The following DLG2 variants were observed in gnomAD, a reference collection of about 807,000 sequenced individuals.
DLG2 encodes the protein disks large homolog 2.
In DLG2, 45 loss-of-function variants were observed where a neutral mutation model predicts 132.5. The observed-to-expected ratio is 0.34, with a 90% CI of 0.27 to 0.44. The LOEUF (loss-of-function observed/expected upper bound fraction) is 0.44, where lower values mean the gene tolerates loss of function less well. Among genes scored for constraint, DLG2 ranks in the 20% least tolerant of loss-of-function variants. DLG2 has a pLI of 1.00. For missense variants in DLG2, 1,045 were observed against 1,196.9 expected (o/e 0.87, Z 1.87); for synonymous variants, 424 against 419.6 (o/e 1.01, Z -0.13).
chr11:85,258,271 T>C (rs899162644), intron 4 of DLG2, among the ~76,000 whole-genome samples: 3 of 152,220 alleles, frequency 2.0e-5, no homozygotes, highest in Non-Finnish European at 2.9e-5. Context: ...CTATTTCTTA[T>C]CCCTCTAAAA....
intron 6 of DLG2, among the ~76,000 whole-genome samples, chr11:84,709,435 C>G (rs58566021): frequency 0.022 from 3,416 of 152,022 alleles, 129 homozygotes; most frequent in African/African-American, 0.076. Context: ...TTAATGATTA[C>G]TACATGTGAG....
At chr11:84,818,582 T>TA (rs1258238506) in intron 6 of DLG2, among the ~76,000 whole-genome samples, 1 of 151,904 alleles carries the variant, frequency 6.6e-6, no homozygotes, top group African/African-American at 2.4e-5. Context: ...GAAGGTCTCT[T>TA]ACTTGCATGA....
chr11:85,483,847 G>C (rs909528106), intron 3 of DLG2, among the ~76,000 whole-genome samples: 2 of 150,624 alleles, frequency 1.3e-5, no homozygotes, highest in African/African-American at 4.9e-5. Context: ...AGGAGGCTGA[G>C]GCAGGAGAAT....
chr11:85,189,074 T>G lies in DLG2; in HGVS notation c.187-34423A>C, dbSNP rs1182558287. Among the ~76,000 whole-genome samples the G allele has an allele frequency of 3.9e-5, 6 of 152,158 alleles. No individual in the cohort carries two copies. The East Asian group carries it at 1.2e-3, about 29-fold the overall frequency. Reference sequence around the variant, plus strand: ...AACTGTTGAAAGAAAAAGAGAAAATTTTTAAGGCAGCAAGATAAAAAATAT... The same window carrying G: ...AACTGTTGAAAGAAAAAGAGAAAATGTTTAAGGCAGCAAGATAAAAAATAT... On this transcript the variant is annotated intron_variant, in intron 4 of 27. Coordinates refer to ENST00000376104, the MANE Select transcript of DLG2 (RefSeq NM_001142699.3).
chr11:84,679,262 C>T (rs1047840878), intron 6 of DLG2, among the ~76,000 whole-genome samples: 8 of 151,938 alleles, frequency 5.3e-5, no homozygotes, highest in Admixed American at 3.9e-4. Flanking sequence ...TGATTGATGT[C>T]TGCAAAGAAA....
At chr11:84,596,379 CTTTT>C (rs1211350827) in intron 6 of DLG2, among the ~76,000 whole-genome samples, 2 of 121,738 alleles carry the variant, frequency 1.6e-5, no homozygotes, top group Non-Finnish European at 1.8e-5. Context: ...AGATAATTTT[CTTTT>C]TTTTTTTTTT....
intron 6 of DLG2, among the ~76,000 whole-genome samples, chr11:85,001,297 T>C (rs2058187385): frequency 6.6e-6 from 1 of 152,116 alleles, no homozygotes; most frequent in African/African-American, 2.4e-5. Context: ...AGGGTCTCAC[T>C]ATGTTGCCCA....
At chr11:84,151,524 T>C (rs891433209) in intron 9 of DLG2, among the ~76,000 whole-genome samples, 5 of 152,184 alleles carry the variant, frequency 3.3e-5, no homozygotes, top group African/African-American at 1.2e-4. Flanking sequence ...ATCTTTTGTA[T>C]ATATTTTTGC....
At chr11:83,479,667 A>G (rs2137137718) in intron 22 of DLG2, among the ~76,000 whole-genome samples, 1 of 152,222 alleles carries the variant, frequency 6.6e-6, no homozygotes, top group Admixed American at 6.6e-5. Flanking sequence ...TTCATACACT[A>G]AGCAAATGGC....
chr11:85,425,176 G>T (rs2090618153), intron 3 of DLG2, among the ~76,000 whole-genome samples: 1 of 152,128 alleles, frequency 6.6e-6, no homozygotes, highest in South Asian at 2.1e-4. Flanking sequence ...ATTTTCTAAG[G>T]TTTAAAGCAG....
At chr11:84,695,555 A>G (rs2058527229) in intron 6 of DLG2, among the ~76,000 whole-genome samples, 1 of 151,674 alleles carries the variant, frequency 6.6e-6, no homozygotes, top group Non-Finnish European at 1.5e-5. Context: ...AGAAATTTAT[A>G]ATAGCTTTGT....
intron 19 of DLG2, among the ~76,000 whole-genome samples, chr11:83,558,848 C>CGTGT (rs3039336): frequency 0.03 from 4,297 of 142,272 alleles, 129 homozygotes; most frequent in African/African-American, 0.067. Context: ...TGCTAGATGT[C>CGTGT]GTGTGTGTGT....
chr11:84,801,499 T>C (rs1385215885), intron 6 of DLG2, among the ~76,000 whole-genome samples: 1 of 152,218 alleles, frequency 6.6e-6, no homozygotes, highest in Non-Finnish European at 1.5e-5. Flanking sequence ...TGAAGGGCGC[T>C]TGCAGTGAGC....
At chr11:84,752,571 T>C (rs2153836117) in intron 6 of DLG2, among the ~76,000 whole-genome samples, 1 of 150,830 alleles carries the variant, frequency 6.6e-6, no homozygotes, top group South Asian at 2.1e-4. Flanking sequence ...TTTCTTTTTT[T>C]TTTTTTTTTA....
rs1340420052 is a variant in DLG2 at position 83,562,791 on chromosome 11, T to G, written c.1941-20933A>C. 2.0e-5 allele frequency among the ~76,000 whole-genome samples: 3 copies of G among 152,060 alleles called. No homozygotes were observed. The East Asian group carries it at 5.8e-4, about 29-fold the overall frequency. On this transcript the variant is annotated intron_variant, in intron 19 of 27. Transcript: ENST00000376104. ...GTTGTTCTTTCATGTTACTTTTTAT[T>G]CTAATTAGAAATCAAGGATAAACTA...
At chr11:85,165,272 C>T (rs1390115933) in intron 4 of DLG2, among the ~76,000 whole-genome samples, 1 of 152,116 alleles carries the variant, frequency 6.6e-6, no homozygotes, top group African/African-American at 2.4e-5. Context: ...AGCTTGACTT[C>T]TAAATGTTGA....
intron 7 of DLG2, among the ~76,000 whole-genome samples, chr11:84,463,522 G>A (rs138615456): frequency 0.016 from 2,457 of 151,198 alleles, 29 homozygotes; most frequent in South Asian, 0.03. Flanking sequence ...GCTCAACACC[G>A]CTTGAGACAA....
At chr11:85,146,800 G>A in intron 5 of DLG2, among the ~76,000 whole-genome samples, 1 of 152,150 alleles carries the variant, frequency 6.6e-6, no homozygotes, top group East Asian at 1.9e-4. Context: ...ACTTATCCAA[G>A]GACTGCAAAC....
At chr11:85,302,512 T>A (rs184619594) in intron 3 of DLG2, among the ~76,000 whole-genome samples, 11 of 152,208 alleles carry the variant, frequency 7.2e-5, no homozygotes, top group Admixed American at 1.3e-4. Flanking sequence ...GACTGACTGG[T>A]GATTGCTGAG....
Sources: allele counts gnomAD v4.1 joint callset (sites outside exome capture counted in the v4.1 genomes callset), GRCh38; gene constraint gnomAD v4.1.1; transcripts MANE v1.5; gene names NCBI Gene and HGNC (gene_info 2026-07-23, HGNC 2026-07-21).